Variants in NRG1 observed in about 807,000 individuals in gnomAD.
NRG1 encodes the protein neuregulin 1.
In NRG1, 18 loss-of-function variants were observed where a neutral mutation model predicts 63.8. That is an observed-to-expected ratio of 0.28 (90% CI 0.19 to 0.42). The LOEUF is 0.42. NRG1 is among the 10% of genes least tolerant of loss of function. NRG1 has a pLI of 1.00. For synonymous variants in NRG1, 302 were observed against 301.3 expected, an observed-to-expected ratio of 1.00 and a Z score of -0.02; for missense variants, 762 against 814.7, an observed-to-expected ratio of 0.94 and a Z score of 0.79.
chr8:32,413,422 A>G (rs1001273803), intron 1 of NRG1, among the ~76,000 whole-genome samples: 12 of 152,152 alleles, frequency 7.9e-5, no homozygotes, highest in Non-Finnish European at 1.6e-4. Flanking sequence ...CTGAAATTAC[A>G]TTTTACCATG....
chr8:32,206,868 A>G (rs901540027), intron 1 of NRG1, among the ~76,000 whole-genome samples: 8 of 152,218 alleles, frequency 5.3e-5, no homozygotes, highest in Admixed American at 6.5e-5. Context: ...GCAGCCACTT[A>G]TAAGTGAGAA....
At chr8:32,316,291 C>T (rs1857380159) in intron 1 of NRG1, among the ~76,000 whole-genome samples, 1 of 152,054 alleles carries the variant, frequency 6.6e-6, no homozygotes, top group Admixed American at 6.6e-5. Context: ...TTCTGGCCAA[C>T]ATGGTGAAAC....
intron 1 of NRG1, among the ~76,000 whole-genome samples, chr8:32,248,514 C>A (rs1197685152): frequency 6.6e-6 from 1 of 152,016 alleles, no homozygotes; most frequent in African/African-American, 2.4e-5. Flanking sequence ...CAATATTTCA[C>A]TTTTCTCTCT....
intron 5 of NRG1, among the ~76,000 whole-genome samples, chr8:32,676,561 T>C (rs896597739): frequency 5.9e-5 from 9 of 152,204 alleles, no homozygotes; most frequent in African/African-American, 1.9e-4. Context: ...ACCTATAAAA[T>C]TAATATACTT....
At chr8:32,146,135 A>G (rs1254902995) in intron 1 of NRG1, among the ~76,000 whole-genome samples, 2 of 152,200 alleles carry the variant, frequency 1.3e-5, no homozygotes, top group African/African-American at 4.8e-5. Context: ...TAGAGACAGA[A>G]CCAGAATGTT....
intron 1 of NRG1, among the ~76,000 whole-genome samples, chr8:32,249,551 T>C (rs556768590): frequency 2.0e-5 from 3 of 152,156 alleles, no homozygotes; most frequent in South Asian, 4.2e-4. Context: ...TCTCTAAAAG[T>C]CATTAATCCC....
At chr8:32,019,259 C>T (rs759748124) in intron 1 of NRG1, among the ~76,000 whole-genome samples, 3 of 152,076 alleles carry the variant, frequency 2.0e-5, no homozygotes, top group South Asian at 2.1e-4. Flanking sequence ...CCACCAGGCC[C>T]GGCTAATTTT....
Position 31,875,520 on chromosome 8 carries a change from A to T in NRG1, c.37+236089A>T, listed in dbSNP as rs370000088. On this transcript the variant is annotated intron_variant, in intron 1 of 10. Coordinates refer to the NRG1 transcript ENST00000519301. Reference sequence around the variant, plus strand: ...CTTGATTAATAATTGAGACCTAAACATGGCAAAAAACAGGTCTGCCTCAGC... The same window carrying T: ...CTTGATTAATAATTGAGACCTAAACTTGGCAAAAAACAGGTCTGCCTCAGC... Among the ~76,000 whole-genome samples the T allele has an allele frequency of 3.3e-5, 5 of 152,300 alleles. No individual in the cohort carries two copies. In the South Asian group the frequency reaches 6.2e-4, roughly 19 times the overall value.
chr8:32,413,583 A>G (rs1815423523), intron 1 of NRG1, among the ~76,000 whole-genome samples: 1 of 152,198 alleles, frequency 6.6e-6, no homozygotes, highest in African/African-American at 2.4e-5. Flanking sequence ...CCTGTTTTTA[A>G]AAGTGAAATC....
At chr8:32,106,355 C>T (rs1387570519) in intron 1 of NRG1, among the ~76,000 whole-genome samples, 2 of 152,160 alleles carry the variant, frequency 1.3e-5, no homozygotes, top group South Asian at 2.1e-4. Flanking sequence ...ATATGGAAGT[C>T]AGTTAAAATG....
chr8:32,489,731 G>T (rs7001605), intron 1 of NRG1, among the ~76,000 whole-genome samples: 1 of 152,078 alleles, frequency 6.6e-6, no homozygotes, highest in Non-Finnish European at 1.5e-5. Context: ...CTTAACAATA[G>T]CTGGCAAATA....
At chr8:32,426,621 A>G (rs16879364) in intron 1 of NRG1, among the ~76,000 whole-genome samples, 18,346 of 152,106 alleles carry the variant, frequency 0.12, 1,353 homozygotes, top group Admixed American at 0.24. Context: ...ATGTAGACAC[A>G]GGCCCTTCTC....
chr8:32,395,744 T>G (rs1812360757), intron 1 of NRG1, among the ~76,000 whole-genome samples: 1 of 152,158 alleles, frequency 6.6e-6, no homozygotes, highest in Non-Finnish European at 1.5e-5. Flanking sequence ...TCTGTTGAAG[T>G]GTAGTTTATC....
At chr8:32,696,337 T>C (rs557335482) in intron 5 of NRG1, among the ~76,000 whole-genome samples, 35 of 152,246 alleles carry the variant, frequency 2.3e-4, no homozygotes, top group African/African-American at 8.2e-4. Context: ...AATCAACATT[T>C]CCTTTTCTTT....
chr8:32,172,271 C>T (rs75097031), intron 1 of NRG1, among the ~76,000 whole-genome samples: 1 of 152,220 alleles, frequency 6.6e-6, no homozygotes, highest in Non-Finnish European at 1.5e-5. Context: ...TCCAACAGAC[C>T]TGCAGCTGTG....
chr8:32,725,173 T>A (rs1160129618), intron 5 of NRG1, among the ~76,000 whole-genome samples: 4 of 152,150 alleles, frequency 2.6e-5, no homozygotes, highest in Admixed American at 2.6e-4. Context: ...TTGTTGTTTT[T>A]AGCAAAAGCC....
At chr8:31,955,035 A>G (rs1804133407) in intron 1 of NRG1, among the ~76,000 whole-genome samples, 1 of 152,126 alleles carries the variant, frequency 6.6e-6, no homozygotes, top group African/African-American at 2.4e-5. Flanking sequence ...AAAGAGAAAG[A>G]GAGTAAGTGA....
chr8:32,572,102 T>C (rs1051107215), intron 1 of NRG1, among the ~76,000 whole-genome samples: 29 of 152,326 alleles, frequency 1.9e-4, no homozygotes, highest in Admixed American at 1.6e-3. Context: ...CAAGTGTTTT[T>C]TTCTCATCCA....
chr8:32,580,547 C>T (rs62500221), intron 1 of NRG1, among the ~76,000 whole-genome samples: 22,718 of 151,974 alleles, frequency 0.15, 1,821 homozygotes, highest in Middle Eastern at 0.2. Flanking sequence ...TTTAGTAGCC[C>T]TATGAGATAG....
Sources: gnomAD v4.1 joint callset for allele counts (sites outside exome capture counted in the v4.1 genomes callset) on GRCh38, gnomAD v4.1.1 for gene constraint, MANE v1.5 for transcripts, NCBI Gene and HGNC (gene_info 2026-07-23, HGNC 2026-07-21) for gene names.